The following U2AF2 variants were observed in gnomAD, a reference collection of about 807,000 sequenced individuals.
U2AF2 encodes U2 small nuclear RNA auxiliary factor 2.
In U2AF2, 6 loss-of-function variants were observed where a neutral mutation model predicts 52.6. The observed-to-expected ratio is 0.11, with a 90% confidence interval of 0.06 to 0.23. U2AF2 has a LOEUF of 0.23. Ranked by LOEUF, U2AF2 falls within the 10% of genes least tolerant of loss-of-function variation. U2AF2 has a pLI of 1.00. For synonymous variants in U2AF2, 284 were observed against 258.2 expected, an observed-to-expected ratio of 1.10 and a Z score of -0.96; for missense variants, 222 against 677.1, an observed-to-expected ratio of 0.33 and a Z score of 7.46.
chr19:55,664,004 G>T (rs916608076), intron 7 of U2AF2: 2 of 443,316 alleles, frequency 4.5e-6, no homozygotes, highest in Non-Finnish European at 7.9e-6. Flanking sequence ...CAGACCAAAG[G>T]TGCTGGGGAA....
Position 55,673,900 on chromosome 19 carries a change from C to G in U2AF2, c.1294-34C>G, listed in dbSNP as rs779215610. 5.6e-6 allele frequency: 9 copies of G among 1,593,254 alleles called. No individual in the cohort carries two copies. In the East Asian group the frequency reaches 2.0e-4, roughly 36 times the overall value. On this transcript the variant is annotated intron_variant, in intron 11 of 11. Coordinates refer to ENST00000308924, the MANE Select transcript of U2AF2 (RefSeq NM_007279.3). ...CGCTGACTGGCTGTTGGGCGTGAGC[C>G]TTGTTCACAAACCTGCCTCTCCTTT... is the stretch of plus-strand genomic sequence containing the variant.
intron 5 of U2AF2, chr19:55,662,235 C>A (rs1042582515): frequency 4.1e-5 from 15 of 369,946 alleles, no homozygotes; most frequent in Non-Finnish European, 6.4e-5. Flanking sequence ...TTTTTGGGGC[C>A]CCTGTGGCTG....
At chr19:55,665,625 G>A (rs972767445) in intron 7 of U2AF2, among the ~76,000 whole-genome samples, 3 of 152,176 alleles carry the variant, frequency 2.0e-5, no homozygotes, top group African/African-American at 7.2e-5. Flanking sequence ...AGAGTCCAAC[G>A]CTGGCCCACT....
intron 11 of U2AF2, among the ~76,000 whole-genome samples, chr19:55,670,444 GCTGTCCCGTGCACCCT>G (rs1984825275): frequency 7.5e-6 from 1 of 133,046 alleles, no homozygotes; most frequent in Non-Finnish European, 1.6e-5. Flanking sequence ...CGTGCACCCT[GCTGTCCCGTGCACCCT>G]GCTGTCCCGT....
In U2AF2 at chr19:55,668,607, C is replaced by T. The variant is rs778910583; in HGVS notation, c.822+21C>T. On this transcript the variant is annotated intron_variant, in intron 8 of 11. Coordinates refer to ENST00000308924, the MANE Select transcript of U2AF2 (RefSeq NM_007279.3). This position sits in a 1 kb window ranked among gnomAD's most constrained non-coding sequence, Gnocchi z 5.5. ...ACCAGGTAACTTCCCTGCCTCCCTC[C>T]AGACCCGTCCCCCCACCCCGCCCCA... The T allele has an allele frequency of 3.1e-6, 5 of 1,602,136 alleles. No homozygotes were observed. In the Admixed American group the frequency reaches 8.4e-5, roughly 27 times the overall value.
intron 1 of U2AF2, among the ~76,000 whole-genome samples, chr19:55,655,382 G>T (rs1983716424): frequency 6.6e-6 from 1 of 152,188 alleles, no homozygotes; most frequent in Non-Finnish European, 1.5e-5. Context: ...GCGCACGGCG[G>T]CTGTCCCTGC....
Position 55,668,005 on chromosome 19 carries a change from A to G in U2AF2, c.743-502A>G, listed in dbSNP as rs1157770881. On this transcript the variant is annotated intron_variant, in intron 7 of 11. Transcript: ENST00000308924. This position sits in a 1 kb window ranked among gnomAD's most constrained non-coding sequence, Gnocchi z 5.5. ...TCACCATGTTGGACAGGATGGTCTT[A>G]TCTCTTGACCTTGTGATCTGCCCGC... is the stretch of plus-strand genomic sequence containing the variant. Among the ~76,000 whole-genome samples the G allele has an allele frequency of 1.3e-5, 2 of 152,102 alleles. No homozygotes were observed. The highest frequency in any genetic ancestry group is 6.5e-5 in the Admixed American group (1 of 15,276).
chr19:55,660,290 C>T (rs967843395), intron 3 of U2AF2, 69 bp downstream of exon 3: 9 of 1,540,636 alleles, frequency 5.8e-6, no homozygotes, highest in Middle Eastern at 1.7e-4. Context: ...CCCGTGCACC[C>T]TGTCCCGCCC....
At position 55,659,457 on chromosome 19, in the gene U2AF2, C is replaced by T. The variant is rs115504762; in HGVS notation, c.185+112C>T. On this transcript the variant is annotated intron_variant, in intron 2 of 11. Coordinates refer to ENST00000308924, the MANE Select transcript of U2AF2 (RefSeq NM_007279.3). ...GTCTGGGTCCGGGCCCTGTGTGGCT[C>T]GTTCGTTCTTTGTGTGGATCTGGGG... 4.3e-5 allele frequency: 55 copies of T among 1,286,080 alleles called. No homozygotes were observed. In the South Asian group the frequency reaches 6.1e-4, roughly 14 times the overall value. 79.7% of individuals were successfully genotyped at this position (1,286,080 alleles called of 1,614,324 possible). A position where few individuals can be genotyped will look rare whatever the true frequency, so the allele number is the denominator to read the frequency against.
chr19:55,655,216 C>A (rs1983698334), intron 1 of U2AF2, 63 bp downstream of exon 1: 3 of 1,531,164 alleles, frequency 2.0e-6, no homozygotes, highest in Non-Finnish European at 2.7e-6. Context: ...CTTTGCCCCC[C>A]CGCCATTTTC....
chr19:55,668,615 T>TGCCC lies in U2AF2; in HGVS notation c.822+29_822+30insGCCC. 2 of 1,513,954 alleles carry TGCCC rather than the reference T, an allele frequency of 1.3e-6. No homozygotes were observed. Among genetic ancestry groups the TGCCC allele is most frequent in the Non-Finnish European group, 1.8e-6 (2 of 1,097,174 alleles). 93.8% of individuals were successfully genotyped at this position (1,513,954 alleles called of 1,614,324 possible). On this transcript the variant is annotated intron_variant, in intron 8 of 11. Transcript: ENST00000308924. The surrounding 1 kb of genome is among the most constrained non-coding windows in gnomAD (Gnocchi z 5.5). ...ACTTCCCTGCCTCCCTCCAGACCCG[T>TGCCC]CCCCCCACCCCGCCCCACCTCATCC...
chr19:55,660,069 C>CG, intron 2 of U2AF2, 108 bp from the exon 3 acceptor site: 1 of 1,011,298 alleles, frequency 9.9e-7, no homozygotes, highest in Non-Finnish European at 1.4e-6. Context: ...TTGTTGACCT[C>CG]GGCCCTGCTC....
intron 7 of U2AF2, among the ~76,000 whole-genome samples, chr19:55,666,629 A>G (rs1984566954): frequency 6.6e-6 from 1 of 152,376 alleles, no homozygotes. Flanking sequence ...CGTGGCTCAC[A>G]CGATGGGCAC....
chr19:55,658,229 C>T (rs1568548007), intron 1 of U2AF2, among the ~76,000 whole-genome samples: 1 of 152,156 alleles, frequency 6.6e-6, no homozygotes, highest in Admixed American at 6.5e-5. Flanking sequence ...GTGTGTGCTT[C>T]ATGGCTAGCT....
At chr19:55,657,817 C>T (rs1280538634) in intron 1 of U2AF2, among the ~76,000 whole-genome samples, 1 of 152,162 alleles carries the variant, frequency 6.6e-6, no homozygotes, top group Non-Finnish European at 1.5e-5. Flanking sequence ...TCTGGTGTCA[C>T]CATTTCCTAG....
chr19:55,656,962 A>C (rs1168620045), intron 1 of U2AF2, among the ~76,000 whole-genome samples: 4 of 152,254 alleles, frequency 2.6e-5, no homozygotes, highest in African/African-American at 9.6e-5. Flanking sequence ...TGGATGGAGT[A>C]GATACGACCC....
chr19:55,659,091 T>C (rs1300669558), intron 1 of U2AF2, 119 bp from the exon 2 acceptor site: 33 of 1,347,414 alleles, frequency 2.4e-5, no homozygotes, highest in Non-Finnish European at 3.1e-5. Flanking sequence ...CTCCATTGAA[T>C]CCCTTCCCTT....
intron 7 of U2AF2, 106 bp downstream of exon 7, chr19:55,663,850 T>A: frequency 6.6e-7 from 1 of 1,504,454 alleles, no homozygotes; most frequent in Non-Finnish European, 9.0e-7. Context: ...GTGTAAGTAC[T>A]GTGGAAGATA....
intron 6 of U2AF2, among the ~76,000 whole-genome samples, chr19:55,663,136 C>A (rs1413828197): frequency 6.6e-6 from 1 of 152,138 alleles, no homozygotes. Context: ...TGTTAGCTTA[C>A]TGCAGAGATT....
Sources: gnomAD v4.1 joint callset for allele counts (sites outside exome capture counted in the v4.1 genomes callset) on GRCh38, gnomAD v4.1.1 for gene constraint, Gnocchi (gnomAD v3.1) non-coding constraint, MANE v1.5 for transcripts, NCBI Gene and HGNC (gene_info 2026-07-23, HGNC 2026-07-21) for gene names.